CSMD1: variants seen among roughly 807,000 people sequenced by gnomAD.
CSMD1 encodes CUB and sushi domain-containing protein 1.
A neutral mutation model predicts 417.5 loss-of-function variants in CSMD1; 213 were observed. That is an observed-to-expected ratio of 0.51 (90% confidence interval 0.46 to 0.57). The LOEUF (loss-of-function observed/expected upper bound fraction) is 0.57, where lower values mean the gene tolerates loss of function less well. Among genes scored for constraint, CSMD1 ranks in the 20% least tolerant of loss-of-function variants. The pLI, the probability that CSMD1 is intolerant of heterozygous loss-of-function variation, is 0.00. For missense variants in CSMD1, 6,923 were observed against 4,529.7 expected (o/e 1.53, Z -15.17); for synonymous variants, 2,862 against 1,736.8 (o/e 1.65, Z -16.11).
At chr8:2,994,145 C>CAAAAAAAAAAAAAAAAA (rs35438493) in intron 54 of CSMD1, among the ~76,000 whole-genome samples, 11 of 30,520 alleles carry the variant, frequency 3.6e-4, no homozygotes, top group African/African-American at 9.5e-4. Flanking sequence ...AACTCCATCT[C>CAAAAAAAAAAAAAAAAA]AAAAAAAAAA....
rs62504429 is a variant in CSMD1, at chr8:3,308,519, G to T, written c.3632-16C>A. 4 of 1,600,254 alleles carry T rather than the reference G, an allele frequency of 2.5e-6. No individual in the cohort carries two copies. The highest frequency in any genetic ancestry group is 1.3e-5 in the African/African-American group (1 of 74,800). On this transcript the variant is annotated splice_polypyrimidine_tract_variant and intron_variant, in intron 23 of 69. Coordinates refer to ENST00000635120, the MANE Select transcript of CSMD1 (RefSeq NM_033225.6). Reference sequence around the variant, plus strand: ...AGATCAAAACCTGCAAGAGAGAAAGGCAAGGAATGAACAGAACTCAAGGGT... The same window carrying T: ...AGATCAAAACCTGCAAGAGAGAAAGTCAAGGAATGAACAGAACTCAAGGGT...
intron 23 of CSMD1, among the ~76,000 whole-genome samples, chr8:3,338,421 C>A (rs1333979039): frequency 6.6e-6 from 1 of 152,132 alleles, no homozygotes; most frequent in Non-Finnish European, 1.5e-5. Flanking sequence ...CAGCTAAGTA[C>A]AAGAAAGGGA....
intron 1 of CSMD1, among the ~76,000 whole-genome samples, chr8:4,884,180 T>A (rs1483371438): frequency 2.0e-5 from 3 of 152,002 alleles, no homozygotes; most frequent in Non-Finnish European, 4.4e-5. Flanking sequence ...TGGTTGCCTT[T>A]TTATTATTGA....
chr8:4,360,213 G>A (rs772061047), intron 3 of CSMD1, among the ~76,000 whole-genome samples: 9 of 152,036 alleles, frequency 5.9e-5, no homozygotes, highest in Middle Eastern at 3.2e-3. Flanking sequence ...ACCATTTTAG[G>A]GGGTAACCCT....
At chr8:4,927,499 T>G (rs1806949026) in intron 1 of CSMD1, among the ~76,000 whole-genome samples, 1 of 152,178 alleles carries the variant, frequency 6.6e-6, no homozygotes, top group Non-Finnish European at 1.5e-5. Flanking sequence ...AGCTTAGCTC[T>G]GCGATGCCAG....
intron 3 of CSMD1, among the ~76,000 whole-genome samples, chr8:4,291,610 C>A (rs1026475681): frequency 6.6e-6 from 1 of 152,024 alleles, no homozygotes; most frequent in Non-Finnish European, 1.5e-5. Flanking sequence ...GGTCATTTTT[C>A]TTGTGATATG....
intron 7 of CSMD1, among the ~76,000 whole-genome samples, chr8:3,680,284 C>CACT (rs1175319318): frequency 6.6e-6 from 1 of 151,962 alleles, no homozygotes; most frequent in Non-Finnish European, 1.5e-5. Flanking sequence ...ATTGATAGAC[C>CACT]ACTAGCAAGA....
intron 5 of CSMD1, among the ~76,000 whole-genome samples, chr8:3,941,449 C>G (rs552492464): frequency 2.4e-4 from 37 of 151,992 alleles, no homozygotes; most frequent in Non-Finnish European, 3.1e-4. Flanking sequence ...TTGATTGATT[C>G]CTGAAACACT....
chr8:4,204,634 C>T (rs1176901296), intron 3 of CSMD1, among the ~76,000 whole-genome samples: 2 of 152,048 alleles, frequency 1.3e-5, no homozygotes, highest in Admixed American at 6.6e-5. Flanking sequence ...AGGCAACAAG[C>T]CTAAATTATT....
chr8:3,733,496 G>A (rs935632503), intron 6 of CSMD1, among the ~76,000 whole-genome samples: 21 of 151,676 alleles, frequency 1.4e-4, no homozygotes, highest in African/African-American at 4.4e-4. Context: ...AGTTACCCAC[G>A]GTCAACCGCG....
At chr8:4,128,573 C>T (rs936827122) in intron 3 of CSMD1, among the ~76,000 whole-genome samples, 7 of 152,202 alleles carry the variant, frequency 4.6e-5, no homozygotes, top group African/African-American at 1.7e-4. Flanking sequence ...TCTCTTTTAG[C>T]TTATCTCCAA....
intron 11 of CSMD1, among the ~76,000 whole-genome samples, chr8:3,486,459 T>C (rs941914152): frequency 5.3e-5 from 8 of 152,350 alleles, no homozygotes; most frequent in South Asian, 2.1e-4. Context: ...CTTTAAATGC[T>C]TTTGACTGAT....
intron 40 of CSMD1, among the ~76,000 whole-genome samples, chr8:3,145,099 G>T (rs887453103): frequency 1.3e-5 from 2 of 152,146 alleles, no homozygotes; most frequent in African/African-American, 4.8e-5. Flanking sequence ...GTGTGTTTGT[G>T]TGACTGCCTT....
At chr8:4,814,597 A>T (rs1563472929) in intron 1 of CSMD1, among the ~76,000 whole-genome samples, 1 of 152,300 alleles carries the variant, frequency 6.6e-6, no homozygotes, top group African/African-American at 2.4e-5. Context: ...TAGGCAAATA[A>T]TAAAGCTATA....
chr8:4,933,158 T>A (rs560172657), intron 1 of CSMD1, among the ~76,000 whole-genome samples: 4 of 152,180 alleles, frequency 2.6e-5, no homozygotes, highest in Non-Finnish European at 5.9e-5. Context: ...TTTTTTACTT[T>A]TTTTTCTTTC....
intron 3 of CSMD1, among the ~76,000 whole-genome samples, chr8:4,362,109 ACAAATC>A (rs1434945344): frequency 3.3e-5 from 5 of 152,240 alleles, no homozygotes; most frequent in African/African-American, 9.6e-5. Context: ...GAACAGAATT[ACAAATC>A]CAAGTACTTT....
intron 2 of CSMD1, among the ~76,000 whole-genome samples, chr8:4,454,361 C>T (rs1034097191): frequency 1.3e-5 from 2 of 152,254 alleles, no homozygotes; most frequent in South Asian, 2.1e-4. Context: ...TTTCTTCTCC[C>T]AACACATACC....
intron 3 of CSMD1, among the ~76,000 whole-genome samples, chr8:4,352,884 T>A (rs1470210435): frequency 1.3e-5 from 2 of 152,220 alleles, no homozygotes; most frequent in Non-Finnish European, 2.9e-5. Context: ...TCAGCCATAA[T>A]TACCTCAGAA....
At chr8:4,972,776 G>A (rs1810321528) in intron 1 of CSMD1, among the ~76,000 whole-genome samples, 1 of 152,082 alleles carries the variant, frequency 6.6e-6, no homozygotes, top group Non-Finnish European at 1.5e-5. Flanking sequence ...TAAATGACAG[G>A]CATCATGAAG....
Sources: allele counts gnomAD v4.1 joint callset (sites outside exome capture counted in the v4.1 genomes callset), GRCh38; gene constraint gnomAD v4.1.1; transcripts MANE v1.5; gene names NCBI Gene and HGNC (gene_info 2026-07-23, HGNC 2026-07-21).